PDE1C: variants seen among roughly 807,000 people sequenced by gnomAD.
PDE1C encodes the protein dual specificity calcium/calmodulin-dependent 3',5'-cyclic nucleotide phosphodiesterase 1C.
Under a neutral mutation model 93.1 loss-of-function variants are expected in PDE1C, and 62 were observed. The observed-to-expected ratio is 0.67, with a 90% confidence interval of 0.54 to 0.82. The LOEUF (loss-of-function observed/expected upper bound fraction) is 0.82. Ranked by LOEUF, PDE1C falls within the 40% of genes least tolerant of loss-of-function variation. The pLI, the probability that PDE1C is intolerant of heterozygous loss-of-function variation, is 0.00. For synonymous variants in PDE1C, 325 were observed against 310.1 expected (o/e 1.05, Z -0.50); for missense variants, 742 against 884.6 (o/e 0.84, Z 2.04).
chr7:32,065,837 A>G (rs1177377564), intron 1 of PDE1C, among the ~76,000 whole-genome samples: 1 of 152,220 alleles, frequency 6.6e-6, no homozygotes, highest in East Asian at 1.9e-4. Context: ...TCAATAGGGT[A>G]TTAGTTAAGA....
chr7:31,866,763 T>C (rs1795347336), intron 6 of PDE1C, among the ~76,000 whole-genome samples: 2 of 152,080 alleles, frequency 1.3e-5, no homozygotes, highest in Admixed American at 6.6e-5. Context: ...AAGGCATGGA[T>C]TGGCTGGAAT....
chr7:32,311,340 TA>T (rs1186868744), intron 1 of PDE1C, among the ~76,000 whole-genome samples: 1 of 152,240 alleles, frequency 6.6e-6, no homozygotes, highest in East Asian at 1.9e-4. Context: ...GAGGAGCTGG[TA>T]CCATTCCTTC....
rs562607957 is a variant in PDE1C at position 32,338,391 on chromosome 7, A to G, written c.310+89431T>C. On this transcript the variant is annotated intron_variant, in intron 1 of 1. Coordinates refer to the PDE1C transcript ENST00000672256. ...TGAAAAGATACTAACACAAATCATT[A>G]GGAATATGCAAATCAAAACCCCAAT... Among the ~76,000 whole-genome samples, 3 of 152,344 alleles carry G rather than the reference A, an allele frequency of 2.0e-5. No individual in the cohort carries two copies. In the South Asian group the frequency reaches 6.2e-4, roughly 32 times the overall value.
At chr7:32,341,917 A>G (rs1783765654) in intron 1 of PDE1C, among the ~76,000 whole-genome samples, 1 of 152,136 alleles carries the variant, frequency 6.6e-6, no homozygotes, top group Admixed American at 6.5e-5. Flanking sequence ...CCATTTCCTT[A>G]TGTGTAAAAT....
At chr7:32,306,329 G>T (rs762391222) in intron 1 of PDE1C, among the ~76,000 whole-genome samples, 1 of 152,082 alleles carries the variant, frequency 6.6e-6, no homozygotes, top group Non-Finnish European at 1.5e-5. Context: ...ATCCAATAGT[G>T]CCATCTCTGG....
At chr7:32,191,720 C>T (rs1018483017) in intron 2 of PDE1C, among the ~76,000 whole-genome samples, 10 of 152,182 alleles carry the variant, frequency 6.6e-5, no homozygotes, top group Non-Finnish European at 1.3e-4. Flanking sequence ...CTTCATTTTT[C>T]TGGGATAAAT....
At chr7:31,658,274 A>T in the PDE1C span, 1 of 1,504,410 alleles carries the variant, frequency 6.6e-7, no homozygotes, top group Non-Finnish European at 8.8e-7. Flanking sequence ...CTTATAGGTG[A>T]ATTATTGTCT....
At chr7:32,012,606 A>G (rs1032396994) in intron 2 of PDE1C, among the ~76,000 whole-genome samples, 3 of 152,202 alleles carry the variant, frequency 2.0e-5, no homozygotes, top group South Asian at 2.1e-4. Context: ...GCCTGGGGAT[A>G]GGCATATGGG....
intron 11 of PDE1C, among the ~76,000 whole-genome samples, chr7:31,829,767 T>C (rs1790144810): frequency 6.6e-6 from 1 of 152,136 alleles, no homozygotes; most frequent in Non-Finnish European, 1.5e-5. Context: ...TGAAAACTGC[T>C]CTCTCAAGTG....
the PDE1C span, among the ~76,000 whole-genome samples, chr7:31,733,104 C>T: frequency 6.6e-6 from 1 of 152,180 alleles, no homozygotes; most frequent in African/African-American, 2.4e-5. Flanking sequence ...CCCTAAAGGG[C>T]ACATACATAT....
At position 32,140,094 on chromosome 7, in the gene PDE1C, G is replaced by T. The variant is rs1563346081; in HGVS notation, c.308+29691C>A. ...CTGGCCACTTTGGGTTGGATTTTCTGTTACTTGTGCCCAAAGCATTCTGAT... is the reference window on the plus strand; with the variant it reads ...CTGGCCACTTTGGGTTGGATTTTCTTTTACTTGTGCCCAAAGCATTCTGAT... On this transcript the variant is annotated intron_variant, in intron 3 of 18. Transcript: ENST00000396193. 3.3e-5 allele frequency among the ~76,000 whole-genome samples: 5 copies of T among 152,282 alleles called. No homozygotes were observed. In the South Asian group the frequency reaches 6.2e-4, roughly 19 times the overall value.
At chr7:31,835,985 C>T (rs749643014) in intron 11 of PDE1C, among the ~76,000 whole-genome samples, 6 of 152,182 alleles carry the variant, frequency 3.9e-5, no homozygotes, top group Admixed American at 2.6e-4. Context: ...GTTTGCGGGA[C>T]GAAGTTGTGA....
chr7:32,118,822 T>A (rs1799131967), intron 3 of PDE1C, among the ~76,000 whole-genome samples: 1 of 152,226 alleles, frequency 6.6e-6, no homozygotes, highest in Non-Finnish European at 1.5e-5. Context: ...AATTTCAACC[T>A]GAGTTTCAGA....
chr7:31,890,872 C>T (rs1036259153), intron 2 of PDE1C, among the ~76,000 whole-genome samples: 2 of 152,062 alleles, frequency 1.3e-5, no homozygotes, highest in African/African-American at 2.4e-5. Flanking sequence ...CTGAGGCTGC[C>T]GCTTTGAATG....
At chr7:31,891,578 C>T (rs1798639234) in intron 2 of PDE1C, among the ~76,000 whole-genome samples, 1 of 152,014 alleles carries the variant, frequency 6.6e-6, no homozygotes, top group Non-Finnish European at 1.5e-5. Flanking sequence ...TGAAGAAAGC[C>T]AATCCCAAAA....
chr7:31,626,477 AT>A, the PDE1C span, among the ~76,000 whole-genome samples: 1 of 152,102 alleles, frequency 6.6e-6, no homozygotes, highest in Non-Finnish European at 1.5e-5. Context: ...TTCTGTTTGC[AT>A]TTTACTATTT....
the PDE1C span, chr7:31,707,218 A>G: frequency 4.6e-5 from 74 of 1,613,784 alleles, 1 homozygote; most frequent in South Asian, 8.1e-4. Context: ...GACATTGCTC[A>G]GGGACGAGAG....
chr7:31,704,578 G>A, the PDE1C span, among the ~76,000 whole-genome samples: 6 of 152,226 alleles, frequency 3.9e-5, no homozygotes, highest in African/African-American at 1.4e-4. Flanking sequence ...CAATAGCGGA[G>A]AAGGATGTAT....
At chr7:32,010,533 T>C (rs1786933184) in intron 2 of PDE1C, among the ~76,000 whole-genome samples, 1 of 152,106 alleles carries the variant, frequency 6.6e-6, no homozygotes, top group Non-Finnish European at 1.5e-5. Context: ...ATCCTAAAAC[T>C]ATAAAAGTTC....
Sources: allele counts gnomAD v4.1 joint callset (sites outside exome capture counted in the v4.1 genomes callset), GRCh38; gene constraint gnomAD v4.1.1; transcripts MANE v1.5; gene names NCBI Gene and HGNC (gene_info 2026-07-23, HGNC 2026-07-21).